MS4A13: variants seen among roughly 807,000 people sequenced by gnomAD.
MS4A13 encodes membrane spanning 4-domains A13, also known as membrane-spanning 4-domains subfamily A member 13.
Under a neutral mutation model 18.4 loss-of-function variants are expected in MS4A13, and 21 were observed. That is an observed-to-expected ratio of 1.14 (90% confidence interval 0.81 to 1.64). The LOEUF (loss-of-function observed/expected upper bound fraction) is 1.64, where lower values mean the gene tolerates loss of function less well. Among genes scored for constraint, MS4A13 ranks in the 40% most tolerant of loss-of-function variants. MS4A13 has a pLI of 0.00. For missense variants in MS4A13, 173 were observed against 176.8 expected (o/e 0.98, Z 0.12); for synonymous variants, 62 against 57.2 (o/e 1.08, Z -0.38).
At chr11:60,525,743 C>T (rs1350670049) in intron 5 of MS4A13, among the ~76,000 whole-genome samples, 1 of 152,068 alleles carries the variant, frequency 6.6e-6, no homozygotes, top group Non-Finnish European at 1.5e-5. Context: ...TAGAATTTTT[C>T]ATACATAGCC....
At chr11:60,524,796 C>G (rs1234811015) in intron 4 of MS4A13, among the ~76,000 whole-genome samples, 1 of 151,702 alleles carries the variant, frequency 6.6e-6, no homozygotes, top group Non-Finnish European at 1.5e-5. Context: ...AGTAGCTGGG[C>G]CTACAGGTGC....
intron 6 of MS4A13, 109 bp downstream of exon 6, chr11:60,529,569 T>C: frequency 6.1e-6 from 3 of 492,704 alleles, no homozygotes; most frequent in Non-Finnish European, 1.0e-5. Context: ...CTAATATAAA[T>C]GGAATGTGTG....
chr11:60,527,048 C>T (rs1409159121), intron 5 of MS4A13, among the ~76,000 whole-genome samples: 3 of 152,150 alleles, frequency 2.0e-5, no homozygotes, highest in African/African-American at 7.2e-5. Context: ...ATGTTTCTAT[C>T]ACTATTATAT....
chr11:60,543,017 A>T (rs2086873386), downstream of MS4A13, among the ~76,000 whole-genome samples: 1 of 152,172 alleles, frequency 6.6e-6, no homozygotes, highest in African/African-American at 2.4e-5. Flanking sequence ...CTATCAAAGT[A>T]TGAATCAAAA....
chr11:60,532,393 G>A (rs951008215), intron 6 of MS4A13, among the ~76,000 whole-genome samples: 2 of 152,172 alleles, frequency 1.3e-5, no homozygotes, highest in Admixed American at 1.3e-4. Flanking sequence ...CCCTTTCCGA[G>A]TCAAAGAAAG....
At chr11:60,524,049 T>A in intron 4 of MS4A13, 96 bp downstream of exon 4, 4 of 704,132 alleles carry the variant, frequency 5.7e-6, no homozygotes, top group South Asian at 1.8e-5. Flanking sequence ...AATGAAGGAA[T>A]CTACCCTACC....
At chr11:60,518,991 CA>C (rs1198375319) in intron 3 of MS4A13, among the ~76,000 whole-genome samples, 1 of 152,140 alleles carries the variant, frequency 6.6e-6, no homozygotes, top group African/African-American at 2.4e-5. Context: ...TTGAAAGAAA[CA>C]GCATCATATC....
intron 2 of MS4A13, among the ~76,000 whole-genome samples, chr11:60,516,305 A>G (rs1017511660): frequency 1.3e-5 from 2 of 152,202 alleles, no homozygotes; most frequent in Admixed American, 1.3e-4. Flanking sequence ...ACAGGATAAT[A>G]GAGAAATCCA....
intron 5 of MS4A13, among the ~76,000 whole-genome samples, chr11:60,527,358 TTCCGTCTCTCTCTCTC>T (rs1411078569): frequency 7.3e-5 from 6 of 81,934 alleles, no homozygotes; most frequent in African/African-American, 1.4e-4. Flanking sequence ...AACTCATTCA[TTCCGTCTCTCTCTCTC>T]TCTCTCTCTC....
chr11:60,520,131 G>A, intron 3 of MS4A13, among the ~76,000 whole-genome samples: 1 of 152,102 alleles, frequency 6.6e-6, no homozygotes, highest in East Asian at 1.9e-4. Context: ...AAGTATTGTG[G>A]GAGGGACCTG....
intron 3 of MS4A13, among the ~76,000 whole-genome samples, chr11:60,522,227 G>GATGTATATATATATAT (rs1299811438): frequency 1.9e-4 from 18 of 97,230 alleles, no homozygotes; most frequent in South Asian, 1.7e-3. Context: ...TAGATAGATA[G>GATGTATATATATATAT]ATAGATAGAT....
chr11:60,527,924 C>A (rs1290016801), intron 5 of MS4A13, among the ~76,000 whole-genome samples: 1 of 152,106 alleles, frequency 6.6e-6, no homozygotes, highest in African/African-American at 2.4e-5. Flanking sequence ...GTCCCAAGTA[C>A]TTTCTAGCTA....
intron 6 of MS4A13, among the ~76,000 whole-genome samples, chr11:60,538,428 T>A (rs2086828378): frequency 6.6e-6 from 1 of 151,532 alleles, no homozygotes; most frequent in South Asian, 2.1e-4. Flanking sequence ...AATGTTTTCA[T>A]CACAAAGAAA....
intron 5 of MS4A13, among the ~76,000 whole-genome samples, chr11:60,527,509 G>T (rs570366049): frequency 4.6e-4 from 69 of 151,548 alleles, no homozygotes; most frequent in African/African-American, 1.5e-3. Context: ...TTCAGTCAGG[G>T]AGGGAGTTTT....
intron 6 of MS4A13, among the ~76,000 whole-genome samples, chr11:60,538,276 GA>G (rs1460679374): frequency 6.6e-6 from 1 of 151,358 alleles, no homozygotes; most frequent in African/African-American, 2.4e-5. Context: ...GGGCATAGAT[GA>G]GGCAAAAAGG....
intron 6 of MS4A13, among the ~76,000 whole-genome samples, chr11:60,532,253 T>A (rs2086774465): frequency 6.6e-6 from 1 of 152,210 alleles, no homozygotes; most frequent in Admixed American, 6.5e-5. Context: ...CATTTCCATC[T>A]GAGGTACCAG....
intron 6 of MS4A13, among the ~76,000 whole-genome samples, chr11:60,532,231 G>A (rs1055197071): frequency 3.3e-5 from 5 of 152,310 alleles, no homozygotes; most frequent in South Asian, 2.1e-4. Context: ...CGCAGAAGAC[G>A]GGTGATTTCT....
intron 6 of MS4A13, among the ~76,000 whole-genome samples, chr11:60,540,870 C>T (rs974319850): frequency 1.3e-5 from 2 of 151,022 alleles, no homozygotes; most frequent in African/African-American, 4.9e-5. Flanking sequence ...GGGAGGATCA[C>T]TTGGAACCCA....
intron 5 of MS4A13, among the ~76,000 whole-genome samples, chr11:60,526,122 G>A (rs2086711628): frequency 6.6e-6 from 1 of 152,060 alleles, no homozygotes; most frequent in Admixed American, 6.6e-5. Flanking sequence ...TATTATTAAG[G>A]GGGACATCAG....
Sources: gnomAD v4.1 joint callset for allele counts (sites outside exome capture counted in the v4.1 genomes callset) on GRCh38, gnomAD v4.1.1 for gene constraint, MANE v1.5 for transcripts, NCBI Gene and HGNC (gene_info 2026-07-23, HGNC 2026-07-21) for gene names.